MMP16: variants seen among roughly 807,000 people sequenced by gnomAD.
The protein encoded by MMP16 is matrix metalloproteinase-16.
Under a neutral mutation model 67.8 loss-of-function variants are expected in MMP16, and 12 were observed. The observed-to-expected ratio is 0.18, with a 90% confidence interval of 0.11 to 0.29. The LOEUF (loss-of-function observed/expected upper bound fraction) is 0.29. Ranked by LOEUF, MMP16 falls within the 10% of genes least tolerant of loss-of-function variation. The pLI is 1.00. For missense variants in MMP16, 475 were observed against 765.7 expected (o/e 0.62, Z 4.48); for synonymous variants, 249 against 255.9 (o/e 0.97, Z 0.26).
intron 1 of MMP16, among the ~76,000 whole-genome samples, chr8:88,227,063 G>A (rs1809782332): frequency 6.6e-6 from 1 of 152,004 alleles, no homozygotes; most frequent in Admixed American, 6.6e-5. Context: ...AGGCAACTGT[G>A]TTTTATAAGT....
In MMP16 at chr8:88,308,289, C is replaced by G. The variant is rs890520175; in HGVS notation, c.132+18786G>C. 5.3e-5 allele frequency among the ~76,000 whole-genome samples: 8 copies of G among 151,988 alleles called. No homozygotes were observed. In the East Asian group the frequency reaches 1.4e-3, roughly 26 times the overall value. ...GGCAAATCAATGTGTTCAAAGGGAC[C>G]TTTTGTTAATTATGAGGCTAAGACG... is the stretch of plus-strand genomic sequence containing the variant. On this transcript the variant is annotated intron_variant, in intron 1 of 9. Transcript: ENST00000286614.
At chr8:88,312,206 T>C (rs928988566) in intron 1 of MMP16, among the ~76,000 whole-genome samples, 1 of 152,196 alleles carries the variant, frequency 6.6e-6, no homozygotes, top group African/African-American at 2.4e-5. Context: ...GTTCTCTTCA[T>C]ACGGGTATTT....
chr8:88,042,433 A>T, intron 9 of MMP16, among the ~76,000 whole-genome samples: 1 of 152,206 alleles, frequency 6.6e-6, no homozygotes, highest in East Asian at 1.9e-4. Flanking sequence ...GTAAAGACGT[A>T]TTCATAGTAT....
intron 1 of MMP16, among the ~76,000 whole-genome samples, chr8:88,306,129 C>T (rs946423332): frequency 4.6e-5 from 7 of 151,876 alleles, no homozygotes; most frequent in African/African-American, 1.7e-4. Context: ...CACAGAAATA[C>T]AAACAACCAT....
At chr8:88,089,288 A>G (rs777132890) in intron 6 of MMP16, among the ~76,000 whole-genome samples, 11 of 152,074 alleles carry the variant, frequency 7.2e-5, no homozygotes, top group Non-Finnish European at 1.5e-4. Context: ...AAGGAAGTTA[A>G]TACGTATCAC....
At chr8:88,270,797 C>T (rs1424004917) in intron 1 of MMP16, among the ~76,000 whole-genome samples, 1 of 152,186 alleles carries the variant, frequency 6.6e-6, no homozygotes, top group African/African-American at 2.4e-5. Context: ...GTCCTGATTT[C>T]TCTTTTAGCA....
At chr8:88,166,811 G>A (rs1263786557) in intron 4 of MMP16, among the ~76,000 whole-genome samples, 1 of 148,582 alleles carries the variant, frequency 6.7e-6, no homozygotes, top group Non-Finnish European at 1.5e-5. Flanking sequence ...TGAGCTCAAG[G>A]GATCCCGTCT....
At chr8:88,204,040 C>T (rs189632757) in intron 1 of MMP16, among the ~76,000 whole-genome samples, 65 of 152,320 alleles carry the variant, frequency 4.3e-4, no homozygotes, top group East Asian at 3.1e-3. Context: ...TCTATCATCA[C>T]ATGACATTAC....
intron 7 of MMP16, among the ~76,000 whole-genome samples, chr8:88,061,170 A>ACACC (rs1554575045): frequency 7.2e-6 from 1 of 138,602 alleles, no homozygotes; most frequent in Non-Finnish European, 1.5e-5. Context: ...ACACACACAC[A>ACACC]CCCCTCATCC....
chr8:88,057,415 A>G (rs1430808000), intron 7 of MMP16, among the ~76,000 whole-genome samples: 1 of 152,062 alleles, frequency 6.6e-6, no homozygotes, highest in Non-Finnish European at 1.5e-5. Context: ...GTAAACACCC[A>G]TTACCCTAAA....
intron 1 of MMP16, among the ~76,000 whole-genome samples, chr8:88,286,509 G>A (rs534043763): frequency 3.9e-5 from 6 of 151,962 alleles, no homozygotes; most frequent in Non-Finnish European, 7.4e-5. Context: ...GCATTTTATT[G>A]TCCAGGTTCT....
At chr8:88,091,196 T>C (rs1198879447) in intron 6 of MMP16, among the ~76,000 whole-genome samples, 1 of 151,872 alleles carries the variant, frequency 6.6e-6, no homozygotes, top group Admixed American at 6.6e-5. Context: ...ACAGATCATC[T>C]CCTGTTTTGC....
At chr8:88,254,531 G>A (rs927218036) in intron 1 of MMP16, among the ~76,000 whole-genome samples, 8 of 150,956 alleles carry the variant, frequency 5.3e-5, no homozygotes, top group South Asian at 2.1e-4. Flanking sequence ...GATTACAGGC[G>A]TGAGCCACAT....
At chr8:88,326,782 C>CGTA (rs28907876) in intron 1 of MMP16, 1 of 268,686 alleles carries the variant, frequency 3.7e-6, no homozygotes, top group Non-Finnish European at 7.3e-6. Context: ...TTTAGCTACA[C>CGTA]GGTTGCTATA....
At chr8:88,294,615 T>G (rs1290719628) in intron 1 of MMP16, among the ~76,000 whole-genome samples, 2 of 151,996 alleles carry the variant, frequency 1.3e-5, no homozygotes, top group Non-Finnish European at 2.9e-5. Context: ...TGCATGTATA[T>G]AGACATATAT....
intron 6 of MMP16, among the ~76,000 whole-genome samples, chr8:88,097,737 A>C (rs1809055063): frequency 6.6e-6 from 1 of 151,846 alleles, no homozygotes; most frequent in Non-Finnish European, 1.5e-5. Flanking sequence ...CAATTATGAC[A>C]AAGTTCATAA....
At chr8:88,307,754 C>T (rs1337677832) in intron 1 of MMP16, among the ~76,000 whole-genome samples, 1 of 151,830 alleles carries the variant, frequency 6.6e-6, no homozygotes, top group Non-Finnish European at 1.5e-5. Context: ...GAACAAAAAA[C>T]AGAAAAGGAG....
intron 6 of MMP16, among the ~76,000 whole-genome samples, chr8:88,086,971 AAC>A (rs1808844362): frequency 6.6e-6 from 1 of 151,862 alleles, no homozygotes; most frequent in Admixed American, 6.6e-5. Context: ...GGGAGAGAAA[AAC>A]AGAGACAGAG....
chr8:88,198,596 G>A (rs1218156514), intron 1 of MMP16, among the ~76,000 whole-genome samples: 2 of 151,898 alleles, frequency 1.3e-5, no homozygotes, highest in African/African-American at 4.8e-5. Context: ...AAAGAAACTG[G>A]TATTAAATGT....
Sources: allele counts gnomAD v4.1 joint callset (sites outside exome capture counted in the v4.1 genomes callset), GRCh38; gene constraint gnomAD v4.1.1; transcripts MANE v1.5; gene names NCBI Gene and HGNC (gene_info 2026-07-23, HGNC 2026-07-21).